The following NLGN1 variants were observed in gnomAD, a reference collection of about 807,000 sequenced individuals.
NLGN1 encodes the protein neuroligin-1.
In NLGN1, 12 loss-of-function variants were observed where a neutral mutation model predicts 65.5. The ratio of observed to expected loss-of-function variants is 0.18; its 90% confidence interval spans 0.12 to 0.30. The LOEUF is 0.30. NLGN1 is among the 10% of genes least tolerant of loss of function. The pLI is 1.00. For missense variants in NLGN1, 750 were observed against 1,007.1 expected (o/e 0.74, Z 3.46); for synonymous variants, 350 against 359.5 (o/e 0.97, Z 0.30).
intron 4 of NLGN1, among the ~76,000 whole-genome samples, chr3:174,209,663 A>T (rs1577368065): frequency 1.1e-5 from 1 of 94,364 alleles, no homozygotes; most frequent in African/African-American, 4.4e-5. Context: ...ACAGAGTCTT[A>T]CTCTTGTCAC....
At chr3:173,409,740 T>C (rs1712115970) in intron 1 of NLGN1, among the ~76,000 whole-genome samples, 1 of 152,194 alleles carries the variant, frequency 6.6e-6, no homozygotes, top group South Asian at 2.1e-4. Flanking sequence ...CACTCTAATA[T>C]GAATAAGTTT....
chr3:173,649,476 T>C lies in NLGN1; in HGVS notation c.493+44385T>C, dbSNP rs74581083. On this transcript the variant is annotated intron_variant, in intron 3 of 6. Transcript: ENST00000457714. ...CATATTTTAAATATGCGCAATTTTT[T>C]ATGTGTCAATTATACCTGAACAAAG... 3.0e-3 allele frequency among the ~76,000 whole-genome samples: 456 copies of C among 152,300 alleles called. 3 individuals are homozygous for C. Among genetic ancestry groups the C allele is most frequent in the African/African-American group, 0.011 (437 of 41,570 alleles).
At chr3:173,459,632 T>A (rs1723044631) in intron 2 of NLGN1, among the ~76,000 whole-genome samples, 2 of 152,092 alleles carry the variant, frequency 1.3e-5, no homozygotes, top group Admixed American at 6.6e-5. Context: ...TTTAAAATAA[T>A]TTCTGAAATA....
rs1726955953 is a variant in NLGN1 at position 173,851,727 on chromosome 3, A to G, written c.646+43895A>G. 2.0e-5 allele frequency among the ~76,000 whole-genome samples: 3 copies of G among 152,102 alleles called. No homozygotes were observed. The South Asian group carries it at 6.2e-4, about 32-fold the overall frequency. ...TATCTGGGGATATATTAAAATTTTG[A>G]TCTAGTAATACTGGCTTAGGATTTA... On this transcript the variant is annotated intron_variant, in intron 4 of 6. Coordinates refer to ENST00000457714, the Ensembl canonical transcript of NLGN1.
At chr3:173,461,940 T>A (rs34256) in intron 2 of NLGN1, among the ~76,000 whole-genome samples, 15,478 of 152,138 alleles carry the variant, frequency 0.1, 872 homozygotes, top group Admixed American at 0.14. Context: ...GACATAGCCA[T>A]GAAAAAGAAA....
At chr3:174,038,330 A>AG (rs1387038811) in intron 4 of NLGN1, among the ~76,000 whole-genome samples, 23 of 152,292 alleles carry the variant, frequency 1.5e-4, no homozygotes, top group African/African-American at 5.3e-4. Context: ...CGAGTGTACT[A>AG]GGCTGATTCG....
At chr3:174,027,469 C>T (rs909949983) in intron 4 of NLGN1, among the ~76,000 whole-genome samples, 1 of 152,084 alleles carries the variant, frequency 6.6e-6, no homozygotes. Flanking sequence ...ATACACAGGT[C>T]CACAATCTCT....
At chr3:173,795,615 T>C (rs545323588) in intron 3 of NLGN1, among the ~76,000 whole-genome samples, 2 of 152,140 alleles carry the variant, frequency 1.3e-5, no homozygotes, top group Non-Finnish European at 2.9e-5. Context: ...AATATCTAGT[T>C]TCTTAAAACC....
chr3:173,436,333 C>T (rs1026057147), intron 2 of NLGN1, among the ~76,000 whole-genome samples: 2 of 152,154 alleles, frequency 1.3e-5, no homozygotes, highest in Non-Finnish European at 2.9e-5. Context: ...GACTGCTCCA[C>T]CTCACACAAT....
At chr3:173,974,381 TAA>T (rs1355679720) in intron 4 of NLGN1, among the ~76,000 whole-genome samples, 3 of 152,044 alleles carry the variant, frequency 2.0e-5, no homozygotes, top group African/African-American at 7.2e-5. Context: ...TACTTTTACT[TAA>T]ATAAGTAAGT....
chr3:174,088,951 G>A (rs981034400), intron 4 of NLGN1, among the ~76,000 whole-genome samples: 4 of 151,792 alleles, frequency 2.6e-5, no homozygotes, highest in African/African-American at 9.7e-5. Flanking sequence ...TAGAAGTTGG[G>A]GATACCATAG....
chr3:174,130,067 T>C (rs1719832493), intron 4 of NLGN1, among the ~76,000 whole-genome samples: 1 of 152,176 alleles, frequency 6.6e-6, no homozygotes, highest in African/African-American at 2.4e-5. Flanking sequence ...GATAGCACTA[T>C]CCTGAGATCA....
chr3:173,975,702 C>T lies in NLGN1; in HGVS notation c.646+167870C>T, dbSNP rs188519194. 2.6e-5 allele frequency among the ~76,000 whole-genome samples: 4 copies of T among 151,968 alleles called. No homozygotes were observed. In the East Asian group the frequency reaches 7.8e-4, roughly 30 times the overall value. On this transcript the variant is annotated intron_variant, in intron 4 of 6. Coordinates refer to ENST00000457714, the Ensembl canonical transcript of NLGN1. ...TTTTTTAGTGCATTTTTTACTCAGA[C>T]CAAGAATGCCCAGATCTTCACTGAG...
chr3:173,412,758 T>A (rs1172984678), intron 1 of NLGN1, among the ~76,000 whole-genome samples: 1 of 152,182 alleles, frequency 6.6e-6, no homozygotes, highest in Non-Finnish European at 1.5e-5. Flanking sequence ...TGCTCAGCCT[T>A]CCTCCACCCC....
chr3:174,099,199 T>C (rs1238374852), intron 4 of NLGN1, among the ~76,000 whole-genome samples: 2 of 152,214 alleles, frequency 1.3e-5, no homozygotes, highest in Non-Finnish European at 2.9e-5. Flanking sequence ...CCGTTTGCAT[T>C]ATTTATACAT....
At chr3:174,184,175 A>G (rs1730980091) in intron 4 of NLGN1, among the ~76,000 whole-genome samples, 1 of 152,150 alleles carries the variant, frequency 6.6e-6, no homozygotes, top group South Asian at 2.1e-4. Context: ...AAACCAATGA[A>G]ATATTTAAAA....
intron 4 of NLGN1, among the ~76,000 whole-genome samples, chr3:173,894,296 C>T (rs918792286): frequency 6.6e-6 from 1 of 152,078 alleles, no homozygotes; most frequent in Non-Finnish European, 1.5e-5. Context: ...AATGAAGCAC[C>T]GTGACTTACC....
At chr3:173,833,444 TAAAA>T (rs746085665) in intron 4 of NLGN1, among the ~76,000 whole-genome samples, 1 of 152,094 alleles carries the variant, frequency 6.6e-6, no homozygotes, top group Non-Finnish European at 1.5e-5. Context: ...AAATCTGTAC[TAAAA>T]AAAATTAGTT....
At chr3:173,411,254 C>T (rs1043969710) in intron 1 of NLGN1, among the ~76,000 whole-genome samples, 1 of 152,190 alleles carries the variant, frequency 6.6e-6, no homozygotes, top group Non-Finnish European at 1.5e-5. Context: ...AGATCATTCC[C>T]TTACGGAGTC....
Sources: allele counts gnomAD v4.1 joint callset (sites outside exome capture counted in the v4.1 genomes callset), GRCh38; gene constraint gnomAD v4.1.1; transcripts MANE v1.5; gene names NCBI Gene and HGNC (gene_info 2026-07-23, HGNC 2026-07-21).